The following LRMDA variants were observed in gnomAD, a reference collection of about 807,000 sequenced individuals.
The protein encoded by LRMDA is leucine rich melanocyte differentiation associated.
In LRMDA, 18 loss-of-function variants were observed where a neutral mutation model predicts 29.8. The observed-to-expected ratio is 0.60, with a 90% CI of 0.42 to 0.90. The LOEUF (loss-of-function observed/expected upper bound fraction) is 0.90. Ranked by LOEUF, LRMDA falls within the 40% of genes least tolerant of loss-of-function variation. The pLI is 0.00. For missense variants in LRMDA, 273 were observed against 273.9 expected (o/e 1.00, Z 0.02); for synonymous variants, 125 against 109.4 (o/e 1.14, Z -0.89).
chr10:76,038,088 C>A (rs1483673304), intron 3 of LRMDA, among the ~76,000 whole-genome samples: 3 of 152,060 alleles, frequency 2.0e-5, no homozygotes, highest in East Asian at 3.9e-4. Flanking sequence ...AAATCAAGGA[C>A]AGAAGGATTT....
At chr10:75,545,640 C>T (rs1428633632) in intron 2 of LRMDA, among the ~76,000 whole-genome samples, 1 of 152,020 alleles carries the variant, frequency 6.6e-6, no homozygotes, top group Non-Finnish European at 1.5e-5. Context: ...TAACATTTTG[C>T]CAATGAGAAA....
intron 2 of LRMDA, among the ~76,000 whole-genome samples, chr10:75,903,647 G>A (rs903253045): frequency 1.3e-5 from 2 of 152,170 alleles, no homozygotes. Context: ...CCAGAGCCTC[G>A]AGAAGTCTTT....
Position 76,062,656 on chromosome 10 carries a change from CTGTGTGTGTGTGTGTGTGTGTGTG to C in LRMDA, c.516+3891_516+3914del, listed in dbSNP as rs376071517. Reference sequence around the variant, plus strand: ...ATGGATGCTTCCAGACTTTATCTCTCTGTGTGTGTGTGTGTGTGTGTGTGTGTGTGTGTGTGTGTGTTATTAGTT... The same window carrying C: ...ATGGATGCTTCCAGACTTTATCTCTCTGTGTGTGTGTGTGTGTTATTAGTT... On this transcript the variant is annotated intron_variant, in intron 5 of 6. Coordinates refer to ENST00000611255, the MANE Select transcript of LRMDA (RefSeq NM_001305581.2). 2.2e-5 allele frequency among the ~76,000 whole-genome samples: 3 copies of C among 139,282 alleles called. No individual in the cohort carries two copies. The South Asian group carries it at 7.0e-4, about 33-fold the overall frequency. The allele number at this position is 139,282 out of a possible 152,430, so 91.4% of individuals were successfully genotyped here. A position where few individuals can be genotyped will look rare whatever the true frequency, so the allele number is the denominator to read the frequency against.
chr10:76,171,364 C>A (rs1488691728), intron 5 of LRMDA, among the ~76,000 whole-genome samples: 1 of 152,170 alleles, frequency 6.6e-6, no homozygotes, highest in East Asian at 1.9e-4. Flanking sequence ...GTCTTGAACT[C>A]CTGAACTCAG....
rs147323560 is a variant in LRMDA at position 76,230,170 on chromosome 10, A to C, written c.517-94231A>C. 9.7e-4 allele frequency among the ~76,000 whole-genome samples: 148 copies of C among 152,214 alleles called. 2 individuals carry two copies. In the East Asian group the frequency reaches 0.026, roughly 27 times the overall value. ...GTTGAGTTAACTCTGAAATCAAGCA[A>C]CACCAAGCAGAAAGCAGAGAGGGAA... On this transcript the variant is annotated intron_variant, in intron 5 of 6. Coordinates refer to ENST00000611255, the MANE Select transcript of LRMDA (RefSeq NM_001305581.2).
chr10:75,732,543 G>A (rs1191810306), intron 2 of LRMDA, among the ~76,000 whole-genome samples: 10 of 152,202 alleles, frequency 6.6e-5, no homozygotes. Flanking sequence ...TGGGGAGCTG[G>A]AATGTGGCAG....
chr10:76,200,511 A>G (rs1851406322), intron 5 of LRMDA, among the ~76,000 whole-genome samples: 1 of 152,036 alleles, frequency 6.6e-6, no homozygotes, highest in African/African-American at 2.4e-5. Context: ...TATTACTTGC[A>G]TAAGAGGGGA....
intron 6 of LRMDA, among the ~76,000 whole-genome samples, chr10:76,417,484 A>G (rs764359828): frequency 5.3e-5 from 8 of 151,988 alleles, no homozygotes; most frequent in South Asian, 4.2e-4. Flanking sequence ...AAAAAAAAAA[A>G]TACTGGCAAT....
intron 2 of LRMDA, among the ~76,000 whole-genome samples, chr10:75,645,887 C>G (rs1367190128): frequency 6.6e-6 from 1 of 152,064 alleles, no homozygotes; most frequent in African/African-American, 2.4e-5. Context: ...CTGTGTCCTG[C>G]CTTTTCTATT....
intron 2 of LRMDA, among the ~76,000 whole-genome samples, chr10:76,002,751 G>A (rs532895209): frequency 3.2e-4 from 49 of 152,174 alleles, no homozygotes; most frequent in Non-Finnish European, 6.6e-4. Context: ...CCTTGGCATT[G>A]AGGCAAGGAG....
intron 2 of LRMDA, among the ~76,000 whole-genome samples, chr10:75,892,966 A>T (rs1328507868): frequency 6.6e-6 from 1 of 152,172 alleles, no homozygotes; most frequent in Non-Finnish European, 1.5e-5. Flanking sequence ...CTTTTGGGCA[A>T]TGGTTAGATG....
intron 6 of LRMDA, chr10:76,535,870 C>G: frequency 6.6e-6 from 1 of 152,184 alleles, no homozygotes; most frequent in East Asian, 1.9e-4. Flanking sequence ...CTCCGCCTCC[C>G]CGGCTCAAGC....
chr10:76,390,648 C>G (rs1211345457), intron 6 of LRMDA, among the ~76,000 whole-genome samples: 2 of 152,142 alleles, frequency 1.3e-5, no homozygotes, highest in Non-Finnish European at 2.9e-5. Flanking sequence ...TTGCCCCTCC[C>G]ATCCAGGTCT....
chr10:76,538,177 A>T (rs58800222), intron 6 of LRMDA, among the ~76,000 whole-genome samples: 11,721 of 151,818 alleles, frequency 0.077, 661 homozygotes, highest in African/African-American at 0.15. Context: ...TTTATTTTAT[A>T]TTTTGAGTGT....
At chr10:76,309,570 C>A (rs995354804) in intron 5 of LRMDA, among the ~76,000 whole-genome samples, 1 of 152,068 alleles carries the variant, frequency 6.6e-6, no homozygotes, top group African/African-American at 2.4e-5. Flanking sequence ...GGGCAAGGAG[C>A]GCTGATCTTG....
chr10:76,148,056 A>G (rs946163116), intron 5 of LRMDA, among the ~76,000 whole-genome samples: 1 of 152,268 alleles, frequency 6.6e-6, no homozygotes, highest in Admixed American at 6.5e-5. Flanking sequence ...GTTTTGTCTC[A>G]GAGGAGTACC....
intron 2 of LRMDA, among the ~76,000 whole-genome samples, chr10:75,976,364 C>T (rs1252254716): frequency 6.6e-6 from 1 of 152,262 alleles, no homozygotes; most frequent in East Asian, 1.9e-4. Flanking sequence ...CCTTCTCGAA[C>T]ACTCATATAA....
intron 2 of LRMDA, among the ~76,000 whole-genome samples, chr10:75,552,956 T>G (rs185614388): frequency 2.6e-5 from 4 of 152,282 alleles, no homozygotes; most frequent in Non-Finnish European, 5.9e-5. Flanking sequence ...TATTCATTCA[T>G]GTTGTCTACC....
Position 76,090,370 on chromosome 10 carries a change from G to A in LRMDA, c.516+31587G>A, listed in dbSNP as rs190859578. On this transcript the variant is annotated intron_variant, in intron 5 of 6. Coordinates refer to ENST00000611255, the MANE Select transcript of LRMDA (RefSeq NM_001305581.2). ...CCATTTCATTGTTTGGTTGCTTATG[G>A]GCAGCAGTGTAAAAGAGAGGTTAAG... 2.2e-3 allele frequency among the ~76,000 whole-genome samples: 335 copies of A among 152,270 alleles called. 1 individual carries two copies. The highest frequency in any genetic ancestry group is 7.7e-3 in the African/African-American group (319 of 41,558).
Sources: allele counts gnomAD v4.1 joint callset (sites outside exome capture counted in the v4.1 genomes callset), GRCh38; gene constraint gnomAD v4.1.1; transcripts MANE v1.5; gene names NCBI Gene and HGNC (gene_info 2026-07-23, HGNC 2026-07-21).